Variants in ZNF800 observed in about 807,000 individuals in gnomAD.
The protein encoded by ZNF800 is zinc finger protein 800.
A neutral mutation model predicts 59.5 loss-of-function variants in ZNF800; 13 were observed. The ratio of observed to expected loss-of-function variants is 0.22; its 90% CI spans 0.14 to 0.35. ZNF800 has a LOEUF of 0.35. ZNF800 is among the 10% of genes least tolerant of loss of function. ZNF800 has a pLI of 1.00. For synonymous variants in ZNF800, 266 were observed against 265.7 expected (o/e 1.00, Z -0.01); for missense variants, 621 against 783.7 (o/e 0.79, Z 2.48).
chr7:127,368,098 C>G (rs1201332349), downstream of ZNF800, among the ~76,000 whole-genome samples: 3 of 152,038 alleles, frequency 2.0e-5, no homozygotes, highest in Non-Finnish European at 4.4e-5. Context: ...CTTTAGCTAT[C>G]TTGGTACTAA....
At chr7:127,365,215 A>C (rs1800481440), downstream of ZNF800, among the ~76,000 whole-genome samples, 1 of 152,170 alleles carries the variant, frequency 6.6e-6, no homozygotes, top group Non-Finnish European at 1.5e-5. Flanking sequence ...ACTATTACTT[A>C]GTAGCAATGG....
At chr7:127,349,534 G>A (rs1303446481) in intron 1 of ZNF800, among the ~76,000 whole-genome samples, 1 of 152,180 alleles carries the variant, frequency 6.6e-6, no homozygotes, top group Non-Finnish European at 1.5e-5. Flanking sequence ...AAGATTAGAT[G>A]TTTATTGGAA....
intron 1 of ZNF800, chr7:127,363,404 G>A (rs1800435617): frequency 6.6e-6 from 1 of 151,746 alleles, no homozygotes; most frequent in Non-Finnish European, 1.5e-5. Flanking sequence ...CAAAACAAAA[G>A]CCAGTGGCAA....
intron 1 of ZNF800, among the ~76,000 whole-genome samples, chr7:127,358,376 G>A (rs1316996183): frequency 4.6e-5 from 7 of 151,232 alleles, no homozygotes; most frequent in African/African-American, 9.7e-5. Flanking sequence ...CCGAATTTAC[G>A]TCCTATCACT....
chr7:127,349,248 A>G (rs1800128217), intron 1 of ZNF800, among the ~76,000 whole-genome samples: 1 of 152,236 alleles, frequency 6.6e-6, no homozygotes, highest in African/African-American at 2.4e-5. Context: ...AAACTAAAAT[A>G]TGGCAATGAA....
chr7:127,374,104 T>G lies in ZNF800; in HGVS notation c.1232A>C (p.Glu411Ala), dbSNP rs1800713767. Residue 411 changes from glutamate to alanine, a missense_variant, in exon 5 of 6, where the codon GAA becomes GCA. Coordinates refer to ENST00000265827, the MANE Select transcript of ZNF800 (RefSeq NM_176814.5). ...ANSSEIKVKV[E>A]PADSVESSPP... is the part of the protein sequence containing the mutation. ...TGAAGATTCTACAGAATCTGCTGGTTCAACTTTAACTTTTATTTCTGAACT... is the reference window on the plus strand; with the variant it reads ...TGAAGATTCTACAGAATCTGCTGGTGCAACTTTAACTTTTATTTCTGAACT... 5.6e-6 allele frequency: 9 copies of G among 1,613,952 alleles called. No individual in the cohort carries two copies. In the East Asian group the frequency reaches 2.0e-4, roughly 36 times the overall value.
At position 127,391,615 on chromosome 7, in the gene ZNF800, G is replaced by A; in HGVS notation, c.-58C>T. The A allele has an allele frequency of 2.6e-6, 4 of 1,533,986 alleles. No individual in the cohort carries two copies. The South Asian group carries it at 3.4e-5, about 13-fold the overall frequency. ...GTAAGAAGCTCTTCATTGCGGCGTG[G>A]CTGTTGAAAGAAGCACAAACCCGTC... On this transcript the variant is annotated splice_region_variant and 5_prime_UTR_variant, in exon 2 of 6. Coordinates refer to ENST00000265827, the MANE Select transcript of ZNF800 (RefSeq NM_176814.5).
At chr7:127,373,127 G>A in intron 5 of ZNF800, 1 of 985,434 alleles carries the variant, frequency 1.0e-6, no homozygotes, top group Non-Finnish European at 1.2e-6. Flanking sequence ...TCCTGTGGAA[G>A]ATAAGTTCTG....
At position 127,374,654 on chromosome 7, in the gene ZNF800, G is replaced by A. The variant is rs866445970; in HGVS notation, c.682C>T (p.His228Tyr). ...CTACAAAGACAACATATCAACTGGT[G>A]ACCAAAATCAGAATTGTCAGAAGTT... ...LETSDNSDFG[H>Y]QLICCLCRKE... Residue 228 changes from histidine (H) to tyrosine (Y), a missense_variant, in exon 5 of 6, where the codon CAC (histidine) becomes TAC (tyrosine). Physicochemically the swap from His to Tyr is moderately conservative, Grantham distance 83. Transcript: ENST00000265827. 4.3e-6 allele frequency: 7 copies of A among 1,613,780 alleles called. No individual in the cohort carries two copies. The highest frequency in any genetic ancestry group is 1.6e-4 in the Middle Eastern group (1 of 6,082).
chr7:127,360,811 G>A (rs1800378694), intron 1 of ZNF800: 1 of 152,114 alleles, frequency 6.6e-6, no homozygotes, highest in Non-Finnish European at 1.5e-5. Flanking sequence ...AATGAAGCAT[G>A]CAAATGTGTA....
At chr7:127,363,305 A>G (rs935278356) in intron 1 of ZNF800, 6 of 152,098 alleles carry the variant, frequency 3.9e-5, no homozygotes, top group African/African-American at 1.2e-4. Context: ...GTGATAAGTG[A>G]TACCTCGGGA....
chr7:127,386,196 A>C, intron 2 of ZNF800, 41 bp from the exon 3 acceptor site: 1 of 1,275,896 alleles, frequency 7.8e-7, no homozygotes, highest in Non-Finnish European at 1.1e-6. Context: ...CCCACAAAAA[A>C]AGGGTTATTT....
intron 1 of ZNF800, among the ~76,000 whole-genome samples, chr7:127,348,447 A>T (rs1000827561): frequency 5.1e-5 from 7 of 138,426 alleles, no homozygotes; most frequent in African/African-American, 1.9e-4. Flanking sequence ...AAAAAAAAAA[A>T]TGGGAATGTC....
intron 2 of ZNF800, among the ~76,000 whole-genome samples, chr7:127,390,001 TAAAG>T (rs1397636824): frequency 3.3e-5 from 5 of 152,200 alleles, no homozygotes; most frequent in Admixed American, 2.0e-4. Flanking sequence ...AAACATTTTA[TAAAG>T]AAAGAACTTT....
intron 1 of ZNF800, among the ~76,000 whole-genome samples, chr7:127,359,379 T>G (rs2027952): frequency 0.64 from 97,481 of 152,022 alleles, 31,733 homozygotes; most frequent in East Asian, 0.86. Flanking sequence ...CAAAGTTAAT[T>G]TAGTTATTTA....
chr7:127,385,612 A>G (rs4283985), intron 3 of ZNF800, among the ~76,000 whole-genome samples: 141,777 of 151,772 alleles, frequency 0.93, 66,286 homozygotes, highest in East Asian at 1. Flanking sequence ...AAGGGTTAGG[A>G]TGAAGGAGGT....
intron 1 of ZNF800, among the ~76,000 whole-genome samples, chr7:127,352,924 C>T (rs1456670725): frequency 6.9e-6 from 1 of 145,390 alleles, no homozygotes; most frequent in Non-Finnish European, 1.5e-5. Context: ...ACACAATAAC[C>T]ATTTTAATTA....
chr7:127,353,049 A>G (rs1312646193), intron 1 of ZNF800, among the ~76,000 whole-genome samples: 1 of 152,120 alleles, frequency 6.6e-6, no homozygotes, highest in Admixed American at 6.5e-5. Context: ...TTTCCCCCCA[A>G]TGGCACCGAT....
rs2117084001 is a variant in ZNF800, at chr7:127,370,297, A to C, written c.*1517T>G. 6.6e-6 allele frequency: 1 copy of C among 152,650 alleles called. No homozygotes were observed. Among genetic ancestry groups the C allele is most frequent in the East Asian group, 1.9e-4 (1 of 5,190 alleles). 9.5% of individuals were successfully genotyped at this position (152,650 alleles called of 1,614,324 possible). A position where few individuals can be genotyped will look rare whatever the true frequency, so the allele number is the denominator to read the frequency against. ...TGCTCATAGTCACTGAATAAGTTTA[A>C]ATTTGATAATAAAACATTTAAGTTT... On this transcript the variant is annotated 3_prime_UTR_variant, in exon 6 of 6. Coordinates refer to ENST00000265827, the MANE Select transcript of ZNF800 (RefSeq NM_176814.5).
Sources: gnomAD v4.1 joint callset for allele counts (sites outside exome capture counted in the v4.1 genomes callset) on GRCh38, gnomAD v4.1.1 for gene constraint, MANE v1.5 for transcripts, NCBI Gene and HGNC (gene_info 2026-07-23, HGNC 2026-07-21) for gene names.